The following ASRGL1 variants were observed in gnomAD, a reference collection of about 807,000 sequenced individuals.
ASRGL1 encodes asparaginase and isoaspartyl peptidase 1.
A neutral mutation model predicts 22.4 loss-of-function variants in ASRGL1; 16 were observed. That is an observed-to-expected ratio of 0.71 (90% CI 0.48 to 1.08). The LOEUF is 1.08. Ranked by LOEUF, ASRGL1 falls within the 50% of genes least tolerant of loss-of-function variation. The pLI, the probability that ASRGL1 is intolerant of heterozygous loss-of-function variation, is 0.00. For missense variants in ASRGL1, 412 were observed against 410.1 expected, an observed-to-expected ratio of 1.00 and a Z score of -0.04; for synonymous variants, 165 against 159.3, an observed-to-expected ratio of 1.04 and a Z score of -0.27.
chr11:62,345,268 AGATTTTTGAG>A (rs1487588974), intron 2 of ASRGL1, among the ~76,000 whole-genome samples: 1 of 151,994 alleles, frequency 6.6e-6, no homozygotes, highest in African/African-American at 2.4e-5. Context: ...CTGTATTCTT[AGATTTTTGAG>A]GAACTCAGGG....
At chr11:62,384,221 A>AT (rs1947149495) in intron 4 of ASRGL1, among the ~76,000 whole-genome samples, 1 of 151,958 alleles carries the variant, frequency 6.6e-6, no homozygotes, top group Non-Finnish European at 1.5e-5. Flanking sequence ...AAACAAAAAA[A>AT]AGTCCGGGCG....
At chr11:62,360,769 T>A (rs1264818285) in intron 4 of ASRGL1, among the ~76,000 whole-genome samples, 1 of 152,206 alleles carries the variant, frequency 6.6e-6, no homozygotes, top group Non-Finnish European at 1.5e-5. Flanking sequence ...AACGGAAGAT[T>A]TAATTGCTAA....
chr11:62,389,203 G>C lies in ASRGL1; in HGVS notation c.562G>C (p.Gly188Arg). ...GNVAYATSTGGIVNKMVGRVG... is the reference protein window; with the variant it reads ...GNVAYATSTGRIVNKMVGRVG... ...TGTAGCCTACGCAACCTCCACAGGC[G>C]GTATCGTTAATAAAATGGTCGGCCG... The change falls in exon 5 of 7, where the codon GGT (glycine) becomes CGT (arginine). Residue 188 changes from glycine to arginine, a missense_variant. By Grantham distance (125) the Gly-to-Arg change is moderately radical (BLOSUM62 -2). Transcript: ENST00000415229. The C allele has an allele frequency of 6.2e-7, 1 of 1,614,134 alleles. No homozygotes were observed. Among genetic ancestry groups the C allele is most frequent in the Non-Finnish European group, 8.5e-7 (1 of 1,180,032 alleles).
chr11:62,346,744 CAG>C (rs1946033883), intron 2 of ASRGL1, among the ~76,000 whole-genome samples: 1 of 152,068 alleles, frequency 6.6e-6, no homozygotes, highest in African/African-American at 2.4e-5. Flanking sequence ...CCGAGGCAGG[CAG>C]ATCACCTGAG....
At chr11:62,371,796 C>CA (rs1391266274) in intron 4 of ASRGL1, 243 of 467,124 alleles carry the variant, frequency 5.2e-4, no homozygotes, top group Non-Finnish European at 7.9e-4. Flanking sequence ...ACTAAAAATA[C>CA]AAAAAAAATT....
At chr11:62,350,065 C>T (rs12419894) in intron 2 of ASRGL1, among the ~76,000 whole-genome samples, 32,831 of 152,072 alleles carry the variant, frequency 0.22, 4,389 homozygotes, top group South Asian at 0.36. Context: ...GTGTCTCATC[C>T]TGTGACTTAG....
At chr11:62,362,671 T>C (rs192562757) in intron 4 of ASRGL1, among the ~76,000 whole-genome samples, 21,082 of 60,868 alleles carry the variant, frequency 0.35, 4,480 homozygotes, top group South Asian at 0.41. Flanking sequence ...AAATATATAA[T>C]ATATATTATA....
At chr11:62,401,259 A>T in the ASRGL1 span, among the ~76,000 whole-genome samples, 2 of 152,176 alleles carry the variant, frequency 1.3e-5, no homozygotes, top group African/African-American at 4.8e-5. Flanking sequence ...CCAGGATGTG[A>T]GCCCGTATCA....
In ASRGL1 at chr11:62,338,033, G is replaced by A. The variant is rs994536412; in HGVS notation, c.56G>A (p.Arg19Gln). The A allele has an allele frequency of 1.1e-5, 18 of 1,608,304 alleles. No homozygotes were observed. The African/African-American group carries it at 2.3e-4, about 20-fold the overall frequency. Residue 19 changes from arginine (R) to glutamine (Q), a missense_variant, in exon 2 of 7, where the codon CGG (arginine) becomes CAG (glutamine). Transcript: ENST00000415229. The stretch of plus-strand genomic sequence containing the variant: ...GGAGCCGGTCCCATCTCCAAGGATC[G>A]GAAGGAGCGAGTGCACCAGGGCATG... ...GGGAGPISKDRKERVHQGMVR... is the reference protein window; with the variant it reads ...GGGAGPISKDQKERVHQGMVR...
At chr11:62,399,779 A>G in the ASRGL1 span, among the ~76,000 whole-genome samples, 1 of 152,168 alleles carries the variant, frequency 6.6e-6, no homozygotes, top group East Asian at 1.9e-4. Context: ...GGGCTAGGGC[A>G]CAAGCAGCAT....
At chr11:62,356,912 C>G (rs1946310670) in intron 3 of ASRGL1, 75 bp from the exon 4 acceptor site, 1 of 1,470,324 alleles carries the variant, frequency 6.8e-7, no homozygotes, top group African/African-American at 1.4e-5. Context: ...GTAATTATTT[C>G]AACACAGTTG....
intron 2 of ASRGL1, among the ~76,000 whole-genome samples, chr11:62,350,487 A>T (rs72923207): frequency 6.6e-6 from 1 of 152,096 alleles, no homozygotes; most frequent in Admixed American, 6.6e-5. Flanking sequence ...GGTAGACCCC[A>T]TATAGTTTGG....
intron 4 of ASRGL1, among the ~76,000 whole-genome samples, chr11:62,368,680 C>G (rs7941556): frequency 0.15 from 22,424 of 152,068 alleles, 2,150 homozygotes; most frequent in African/African-American, 0.27. Flanking sequence ...ATCATTATCT[C>G]TGCCATCTCG....
In ASRGL1 at chr11:62,389,744, A is replaced by G. The variant is rs1013607220; in HGVS notation, c.610+493A>G. The G allele has an allele frequency of 3.3e-5, 8 of 242,242 alleles. No homozygotes were observed. The East Asian group carries it at 4.6e-4, about 14-fold the overall frequency. The allele number at this position is 242,242 out of a possible 1,614,324, so 15.0% of individuals were successfully genotyped here. On this transcript the variant is annotated intron_variant, in intron 5 of 6. Transcript: ENST00000415229. ...GTTTACATTAACGGGGAAGCACGCC[A>G]TCTCATTCCCAGGAGTGGGTGAGAG...
chr11:62,379,038 A>G (rs746933063), intron 4 of ASRGL1, among the ~76,000 whole-genome samples: 46 of 152,156 alleles, frequency 3.0e-4, no homozygotes, highest in Non-Finnish European at 5.9e-4. Context: ...TGGAGCAGGC[A>G]TAGTGATTTC....
intron 4 of ASRGL1, among the ~76,000 whole-genome samples, chr11:62,388,774 T>A (rs1231816306): frequency 6.6e-6 from 1 of 151,706 alleles, no homozygotes; most frequent in Non-Finnish European, 1.5e-5. Flanking sequence ...AGAGTCTCTG[T>A]GGGCCCAAGC....
intron 2 of ASRGL1, among the ~76,000 whole-genome samples, chr11:62,347,718 G>A (rs1283195815): frequency 2.0e-5 from 3 of 151,992 alleles, no homozygotes; most frequent in African/African-American, 7.2e-5. Context: ...AAGGTGGGTG[G>A]GTCACATGAG....
At chr11:62,341,232 T>G (rs1945856314) in intron 2 of ASRGL1, among the ~76,000 whole-genome samples, 1 of 147,944 alleles carries the variant, frequency 6.8e-6, no homozygotes. Flanking sequence ...TGAGTCTCGC[T>G]CTGTCACCCA....
downstream of ASRGL1, among the ~76,000 whole-genome samples, chr11:62,394,155 AATAC>A (rs1016858201): frequency 8.7e-4 from 121 of 138,544 alleles, no homozygotes; most frequent in Non-Finnish European, 6.5e-4. Context: ...ACATTTATAT[AATAC>A]ATATATATTA....
Sources: gnomAD v4.1 joint callset for allele counts (sites outside exome capture counted in the v4.1 genomes callset) on GRCh38, gnomAD v4.1.1 for gene constraint, MANE v1.5 for transcripts, NCBI Gene and HGNC (gene_info 2026-07-23, HGNC 2026-07-21) for gene names.